The following NTSR1 variants were observed in gnomAD, a reference collection of about 807,000 sequenced individuals.
NTSR1 encodes neurotensin receptor 1, also known as neurotensin receptor type 1.
Under a neutral mutation model 31.2 loss-of-function variants are expected in NTSR1, and 29 were observed. The observed-to-expected ratio is 0.93, with a 90% CI of 0.69 to 1.27. The LOEUF (loss-of-function observed/expected upper bound fraction) is 1.27. NTSR1 is among the 50% of genes most tolerant of loss of function. The pLI is 0.00. For synonymous variants in NTSR1, 282 were observed against 269.9 expected, an observed-to-expected ratio of 1.04 and a Z score of -0.44; for missense variants, 697 against 595.4, an observed-to-expected ratio of 1.17 and a Z score of -1.78.
rs544254081 is a variant in NTSR1 at position 62,732,514 on chromosome 20, G to A, written c.715-22171G>A. On this transcript the variant is annotated intron_variant, in intron 1 of 3. Coordinates refer to ENST00000370501, the MANE Select transcript of NTSR1 (RefSeq NM_002531.3). The surrounding 1 kb of genome is among the most constrained non-coding windows in gnomAD (Gnocchi z 4.0). Reference sequence around the variant, plus strand: ...TGCTGTCTAATTCTTACCATGTAGCGCTGCATGAGATTCGCTGCTATTTGT... The same window carrying A: ...TGCTGTCTAATTCTTACCATGTAGCACTGCATGAGATTCGCTGCTATTTGT... 27 of 152,352 alleles carry A rather than the reference G, an allele frequency of 1.8e-4. No individual in the cohort carries two copies. The highest frequency in any genetic ancestry group is 1.4e-3 in the South Asian group (7 of 4,828). 9.4% of individuals were successfully genotyped at this position (152,352 alleles called of 1,614,324 possible). A position where few individuals can be genotyped will look rare whatever the true frequency, so the allele number is the denominator to read the frequency against.
At chr20:62,709,943 C>A in intron 1 of NTSR1, 22 bp downstream of exon 1, 1 of 1,534,794 alleles carries the variant, frequency 6.5e-7, no homozygotes, top group South Asian at 1.2e-5. Context: ...TAACCAGCCC[C>A]GGGGCTCCCC....
Position 62,741,278 on chromosome 20 carries a change from G to C in NTSR1, c.715-13407G>C, listed in dbSNP as rs1400536917. 7.3e-6 allele frequency among the ~76,000 whole-genome samples: 1 copy of C among 136,154 alleles called. No homozygotes were observed. The highest frequency in any genetic ancestry group is 3.1e-5 in the African/African-American group (1 of 32,402). The allele number at this position is 136,154 out of a possible 152,430, so 89.3% of individuals were successfully genotyped here. On this transcript the variant is annotated intron_variant, in intron 1 of 3. Coordinates refer to ENST00000370501, the MANE Select transcript of NTSR1 (RefSeq NM_002531.3). This position sits in a 1 kb window ranked among gnomAD's most constrained non-coding sequence, Gnocchi z 4.3. ...CAGGATGTGGCTTCCAGGGGCTTCT[G>C]TTCTGCCAAGTCCCCACTCAGACAA...
intron 1 of NTSR1, among the ~76,000 whole-genome samples, chr20:62,754,406 C>T (rs550354880): frequency 3.3e-5 from 5 of 152,276 alleles, no homozygotes; most frequent in African/African-American, 7.2e-5. Flanking sequence ...TGTGTACAGG[C>T]GGGACCCTCG....
chr20:62,735,910 C>T (rs1468061181), intron 1 of NTSR1, among the ~76,000 whole-genome samples: 1 of 152,238 alleles, frequency 6.6e-6, no homozygotes, highest in African/African-American at 2.4e-5. Context: ...TCCAATTCCT[C>T]ACGGGTTCAG....
intron 3 of NTSR1, among the ~76,000 whole-genome samples, chr20:62,759,775 A>AG: frequency 4.7e-5 from 1 of 21,060 alleles, no homozygotes; most frequent in Admixed American, 1.5e-3. Context: ...ACTCCGTCTC[A>AG]AAAAAAAAAA....
rs1988549427 is a variant in NTSR1, at chr20:62,709,432, G to T, written c.225G>T (p.Val75=). ...LVTAVYLALF[V]VGTVGNTVTA... ...CCGCCGTGTACCTGGCGCTCTTCGT[G>T]GTGGGCACGGTGGGCAACACGGTGA... The change falls in exon 1 of 4, where the codon GTG becomes GTT. Residue 75 remains valine, a synonymous_variant. Transcript: ENST00000370501. 6.2e-7 allele frequency: 1 copy of T among 1,612,132 alleles called. No individual in the cohort carries two copies. Among genetic ancestry groups the T allele is most frequent in the East Asian group, 2.2e-5 (1 of 44,840 alleles).
Position 62,709,825 on chromosome 20 carries a change from C to T in NTSR1, c.618C>T (p.Thr206=). ...TGCTGGCGGTGCCTATGCTGTTCAC[C>T]ATGGGCGAGCAGAACCGCAGCGCCG... is the stretch of plus-strand genomic sequence containing the variant. ...SALLAVPMLF[T]MGEQNRSADG... The change falls in exon 1 of 4, where the codon ACC becomes ACT. Residue 206 remains threonine, a synonymous_variant. Coordinates refer to ENST00000370501, the MANE Select transcript of NTSR1 (RefSeq NM_002531.3). 1 of 1,612,410 alleles carries T rather than the reference C, an allele frequency of 6.2e-7. No individual in the cohort carries two copies. Among genetic ancestry groups the T allele is most frequent in the Non-Finnish European group, 8.5e-7 (1 of 1,179,676 alleles).
intron 1 of NTSR1, among the ~76,000 whole-genome samples, chr20:62,710,929 G>A (rs964696272): frequency 1.1e-4 from 17 of 152,154 alleles, no homozygotes; most frequent in African/African-American, 3.9e-4. Flanking sequence ...GCCTACCTCT[G>A]CCCAGCTAGA....
chr20:62,752,640 C>T (rs1315183439), intron 1 of NTSR1, among the ~76,000 whole-genome samples: 4 of 152,212 alleles, frequency 2.6e-5, no homozygotes, highest in Non-Finnish European at 5.9e-5. Context: ...TGCAGCCAGC[C>T]GTGTTGGTGA....
chr20:62,711,291 G>C lies in NTSR1; in HGVS notation c.714+1370G>C, dbSNP rs959428548. 2.0e-5 allele frequency among the ~76,000 whole-genome samples: 3 copies of C among 152,192 alleles called. No homozygotes were observed. Among genetic ancestry groups the C allele is most frequent in the Non-Finnish European group, 4.4e-5 (3 of 68,014 alleles). On this transcript the variant is annotated intron_variant, in intron 1 of 3. Coordinates refer to ENST00000370501, the MANE Select transcript of NTSR1 (RefSeq NM_002531.3). This position sits in a 1 kb window ranked among gnomAD's most constrained non-coding sequence, Gnocchi z 6.4. ...GGGCTGCTTTGCTTCTGCGGCGAGA[G>C]TCCCTCCCCTCACCAGAGGCAGAAG... is the stretch of plus-strand genomic sequence containing the variant.
chr20:62,713,343 T>C (rs985158527), intron 1 of NTSR1, among the ~76,000 whole-genome samples: 1 of 152,190 alleles, frequency 6.6e-6, no homozygotes, highest in African/African-American at 2.4e-5. Context: ...CCTCAATTTG[T>C]GCAGGAGGCG....
rs536045669 is a variant in NTSR1, at chr20:62,711,866, C to A, written c.714+1945C>A. On this transcript the variant is annotated intron_variant, in intron 1 of 3. Transcript: ENST00000370501. The surrounding 1 kb of genome is among the most constrained non-coding windows in gnomAD (Gnocchi z 6.4). Reference sequence around the variant, plus strand: ...AGGCAGATTTGGCCAAGTCACGCTACGGCCGGCCACAGGCACTCGTCCAAT... The same window carrying A: ...AGGCAGATTTGGCCAAGTCACGCTAAGGCCGGCCACAGGCACTCGTCCAAT... Among the ~76,000 whole-genome samples, 1 of 152,230 alleles carries A rather than the reference C, an allele frequency of 6.6e-6. No individual in the cohort carries two copies.
In NTSR1 at chr20:62,709,654, C is replaced by T. The variant is rs1167999314; in HGVS notation, c.447C>T (p.Asp149=). The T allele has an allele frequency of 1.2e-6, 2 of 1,612,658 alleles. No individual in the cohort carries two copies. The highest frequency in any genetic ancestry group is 1.7e-5 in the Admixed American group (1 of 60,024). The change falls in exon 1 of 4, where the codon GAC becomes GAT. Residue 149 remains aspartate, a synonymous_variant. Transcript: ENST00000370501. ...GCCGCGGCTACTACTTCCTGCGCGA[C>T]GCCTGCACCTACGCCACGGCCCTCA... ...AGCRGYYFLR[D]ACTYATALNV...
chr20:62,710,332 C>T (rs1988582988), intron 1 of NTSR1, among the ~76,000 whole-genome samples: 1 of 152,238 alleles, frequency 6.6e-6, no homozygotes, highest in Non-Finnish European at 1.5e-5. Flanking sequence ...GCCGGTGCCT[C>T]CCAGCTGCCT....
At chr20:62,748,870 C>G (rs1396592245) in intron 1 of NTSR1, among the ~76,000 whole-genome samples, 4 of 152,188 alleles carry the variant, frequency 2.6e-5, no homozygotes, top group Admixed American at 6.5e-5. Flanking sequence ...AGCTAGCATG[C>G]TCTGCCCCCT....
At chr20:62,749,796 T>C (rs185873848) in intron 1 of NTSR1, among the ~76,000 whole-genome samples, 128 of 152,172 alleles carry the variant, frequency 8.4e-4, no homozygotes, top group Admixed American at 8.3e-3. Flanking sequence ...GGCAGATAAC[T>C]CGTGGTGGGG....
At chr20:62,751,887 G>C (rs1306363104) in intron 1 of NTSR1, among the ~76,000 whole-genome samples, 1 of 152,198 alleles carries the variant, frequency 6.6e-6, no homozygotes, top group Non-Finnish European at 1.5e-5. Flanking sequence ...TCTGGATGCT[G>C]TCTCCATCAC....
intron 1 of NTSR1, among the ~76,000 whole-genome samples, chr20:62,728,218 A>C (rs1988942604): frequency 6.6e-6 from 1 of 152,176 alleles, no homozygotes; most frequent in South Asian, 2.1e-4. Context: ...CGAGTCTCCC[A>C]GCATCCGAGC....
intron 1 of NTSR1, among the ~76,000 whole-genome samples, chr20:62,713,081 C>G (rs1212979631): frequency 6.6e-6 from 1 of 152,198 alleles, no homozygotes; most frequent in Non-Finnish European, 1.5e-5. Context: ...CTGACTATGG[C>G]CACACACGAA....
Sources: allele counts gnomAD v4.1 joint callset (sites outside exome capture counted in the v4.1 genomes callset), GRCh38; gene constraint gnomAD v4.1.1; non-coding constraint Gnocchi (gnomAD v3.1); transcripts MANE v1.5; gene names NCBI Gene and HGNC (gene_info 2026-07-23, HGNC 2026-07-21).